TLN2: variants seen among roughly 807,000 people sequenced by gnomAD.
TLN2 encodes talin 2.
Under a neutral mutation model 294.7 loss-of-function variants are expected in TLN2, and 118 were observed. That is an observed-to-expected ratio of 0.40 (90% CI 0.34 to 0.47). TLN2 has a LOEUF of 0.47. Among genes scored for constraint, TLN2 ranks in the 20% least tolerant of loss-of-function variants. The pLI is 0.84. For synonymous variants in TLN2, 1,431 were observed against 1,304.5 expected, an observed-to-expected ratio of 1.10 and a Z score of -2.09; for missense variants, 3,083 against 3,282.2, an observed-to-expected ratio of 0.94 and a Z score of 1.48.
intron 1 of TLN2, among the ~76,000 whole-genome samples, chr15:62,436,975 C>T (rs1066681): frequency 0.014 from 2,089 of 152,250 alleles, 49 homozygotes; most frequent in African/African-American, 0.048. Flanking sequence ...GTGATCCTCC[C>T]GCCTTGGCCT....
At chr15:62,792,282 G>T (rs1426207911) in intron 45 of TLN2, among the ~76,000 whole-genome samples, 1 of 152,252 alleles carries the variant, frequency 6.6e-6, no homozygotes, top group East Asian at 1.9e-4. Context: ...TAGGGGCTCA[G>T]TAAATGCTTG....
chr15:62,637,406 G>A (rs1349725079), intron 3 of TLN2: 1 of 151,336 alleles, frequency 6.6e-6, no homozygotes, highest in African/African-American at 2.4e-5. Context: ...GGACTGAAAT[G>A]TATGGATGAT....
At chr15:62,658,687 T>G (rs910830782) in intron 9 of TLN2, among the ~76,000 whole-genome samples, 1 of 152,174 alleles carries the variant, frequency 6.6e-6, no homozygotes, top group African/African-American at 2.4e-5. Flanking sequence ...CTGCCGGGTG[T>G]TCCTCAGGGC....
chr15:62,487,748 A>C (rs2038483372), intron 1 of TLN2, among the ~76,000 whole-genome samples: 1 of 151,932 alleles, frequency 6.6e-6, no homozygotes. Flanking sequence ...CTAAAAATAC[A>C]AAAAATTAGC....
rs141225436 is a variant in TLN2 at position 62,479,674 on chromosome 15, C to T, written c.-238+88989C>T. On this transcript the variant is annotated intron_variant, in intron 1 of 58. Transcript: ENST00000636159. ...GCTAATTTTGTATTTTTAGTAGCGA[C>T]GGGGTTTTACCATGTTGGCCAGGCT... Among the ~76,000 whole-genome samples the T allele has an allele frequency of 8.6e-3, 1,314 of 152,204 alleles. 21 individuals carry two copies. Among genetic ancestry groups the T allele is most frequent in the Admixed American group, 0.046 (703 of 15,290 alleles).
chr15:62,473,393 A>G (rs1439015667), intron 1 of TLN2, among the ~76,000 whole-genome samples: 5 of 151,968 alleles, frequency 3.3e-5, no homozygotes, highest in African/African-American at 1.2e-4. Flanking sequence ...ACAGAAGAGT[A>G]TGCAAAATGT....
At chr15:62,519,987 G>C (rs538392174) in intron 1 of TLN2, among the ~76,000 whole-genome samples, 2 of 152,226 alleles carry the variant, frequency 1.3e-5, no homozygotes, top group Admixed American at 1.3e-4. Flanking sequence ...AAGGCGAAAG[G>C]CACGTCTTAC....
At chr15:62,779,374 TAAAC>T (rs146000322) in intron 43 of TLN2, among the ~76,000 whole-genome samples, 9,543 of 152,240 alleles carry the variant, frequency 0.063, 404 homozygotes, top group Non-Finnish European at 0.093. Context: ...GTAAGAAAAT[TAAAC>T]AAAAACAAAC....
At chr15:62,820,895 G>C (rs974745178) in intron 54 of TLN2, among the ~76,000 whole-genome samples, 1 of 152,184 alleles carries the variant, frequency 6.6e-6, no homozygotes, top group Non-Finnish European at 1.5e-5. Flanking sequence ...AGCAGGTGTT[G>C]GATGCTTTCT....
intron 19 of TLN2, 132 bp downstream of exon 19, chr15:62,702,996 C>G (rs894954177): frequency 3.7e-6 from 3 of 803,186 alleles, no homozygotes; most frequent in Non-Finnish European, 5.9e-6. Flanking sequence ...GATGGATTAT[C>G]TTGGGAGTGA....
intron 3 of TLN2, among the ~76,000 whole-genome samples, chr15:62,640,950 C>T (rs547943289): frequency 1.3e-5 from 2 of 151,914 alleles, no homozygotes; most frequent in African/African-American, 2.4e-5. Flanking sequence ...TACAGGCGCC[C>T]GCCACCATGC....
At chr15:62,785,569 T>C (rs770189994) in intron 45 of TLN2, among the ~76,000 whole-genome samples, 3 of 150,590 alleles carry the variant, frequency 2.0e-5, no homozygotes, top group African/African-American at 7.3e-5. Flanking sequence ...GGAGAATTGC[T>C]TGAACCCGGG....
At chr15:62,766,212 A>C (rs765270198) in intron 40 of TLN2, 109 bp from the exon 41 acceptor site, 1 of 873,148 alleles carries the variant, frequency 1.1e-6, no homozygotes, top group Non-Finnish European at 1.8e-6. Context: ...CAGGCATTCT[A>C]ATGTCTGCTT....
intron 52 of TLN2, among the ~76,000 whole-genome samples, chr15:62,814,130 A>C (rs1383263986): frequency 1.3e-5 from 2 of 152,194 alleles, no homozygotes; most frequent in Non-Finnish European, 2.9e-5. Context: ...TATTAAGAGC[A>C]TACAGTATAG....
At chr15:62,821,518 A>G (rs770039804) in intron 54 of TLN2, among the ~76,000 whole-genome samples, 4 of 152,258 alleles carry the variant, frequency 2.6e-5, no homozygotes, top group Non-Finnish European at 5.9e-5. Context: ...GCCCTGAAAC[A>G]GAGCAGACCA....
chr15:62,673,748 G>A (rs1337534803), intron 9 of TLN2, 79 bp from the exon 10 acceptor site: 3 of 1,156,534 alleles, frequency 2.6e-6, no homozygotes, highest in East Asian at 2.4e-5. Flanking sequence ...TTAACTATGA[G>A]TTTTATTAAA....
intron 19 of TLN2, among the ~76,000 whole-genome samples, chr15:62,703,767 G>C (rs2058881541): frequency 6.6e-6 from 1 of 152,016 alleles, no homozygotes; most frequent in Non-Finnish European, 1.5e-5. Flanking sequence ...TTCAATACCA[G>C]GGACCTGTGG....
chr15:62,524,394 G>T (rs973114048), intron 1 of TLN2, among the ~76,000 whole-genome samples: 6 of 152,166 alleles, frequency 3.9e-5, no homozygotes, highest in Non-Finnish European at 5.9e-5. Context: ...GTGCTTGTGT[G>T]TGTAGGAAGC....
intron 1 of TLN2, among the ~76,000 whole-genome samples, chr15:62,470,368 G>C (rs2037400967): frequency 1.3e-5 from 2 of 152,250 alleles, no homozygotes; most frequent in Non-Finnish European, 2.9e-5. Flanking sequence ...CCTGGCTTAT[G>C]CTCAGGCATT....
Sources: gnomAD v4.1 joint callset for allele counts (sites outside exome capture counted in the v4.1 genomes callset) on GRCh38, gnomAD v4.1.1 for gene constraint, MANE v1.5 for transcripts, NCBI Gene and HGNC (gene_info 2026-07-23, HGNC 2026-07-21) for gene names.